CENPW: variants seen among roughly 807,000 people sequenced by gnomAD.
The protein encoded by CENPW is cancer-up-regulated gene 2 protein.
Under a neutral mutation model 11.1 loss-of-function variants are expected in CENPW, and 3 were observed. The observed-to-expected ratio is 0.27, with a 90% confidence interval of 0.12 to 0.70. The LOEUF is 0.70. Among genes scored for constraint, CENPW ranks in the 30% least tolerant of loss-of-function variants. The probability of loss-of-function intolerance (pLI) is 0.77; values close to 1 mark genes in which losing one functional copy is unlikely to be tolerated. For missense variants in CENPW, 100 were observed against 105.6 expected (o/e 0.95, Z 0.23); for synonymous variants, 38 against 42.0 (o/e 0.91, Z 0.37).
chr6:126,404,507 T>G, the CENPW span, among the ~76,000 whole-genome samples: 1 of 152,100 alleles, frequency 6.6e-6, no homozygotes, highest in Non-Finnish European at 1.5e-5. Flanking sequence ...ACTGATTTTC[T>G]TTCTTTTGGG....
the CENPW span, among the ~76,000 whole-genome samples, chr6:126,382,021 G>A: frequency 6.6e-6 from 1 of 152,076 alleles, no homozygotes; most frequent in Non-Finnish European, 1.5e-5. Context: ...ATCACCTGAG[G>A]TCAGGAGTTT....
At chr6:126,370,759 T>G in the CENPW span, among the ~76,000 whole-genome samples, 1 of 151,960 alleles carries the variant, frequency 6.6e-6, no homozygotes, top group Non-Finnish European at 1.5e-5. Flanking sequence ...TATTTCTTTT[T>G]TTTTTTTTCT....
chr6:126,462,530 T>TCACACA, the CENPW span, among the ~76,000 whole-genome samples: 36 of 144,026 alleles, frequency 2.5e-4, no homozygotes, highest in African/African-American at 8.4e-4. Flanking sequence ...TCTCTCTCTC[T>TCACACA]CTCACACACA....
the CENPW span, among the ~76,000 whole-genome samples, chr6:126,442,449 A>T: frequency 0.036 from 5,402 of 151,496 alleles, 316 homozygotes; most frequent in African/African-American, 0.12. Context: ...AGTGGGAGAA[A>T]ATCTTCACAA....
At chr6:126,386,600 T>C in the CENPW span, among the ~76,000 whole-genome samples, 3 of 152,016 alleles carry the variant, frequency 2.0e-5, no homozygotes, top group Admixed American at 6.6e-5. Flanking sequence ...GTTTATATCT[T>C]TAAAGAGATG....
At chr6:126,448,634 A>G in the CENPW span, among the ~76,000 whole-genome samples, 1 of 150,960 alleles carries the variant, frequency 6.6e-6, no homozygotes. Flanking sequence ...CTTAATACCT[A>G]TAAAACCTTT....
At chr6:126,450,561 A>G in the CENPW span, among the ~76,000 whole-genome samples, 1 of 150,886 alleles carries the variant, frequency 6.6e-6, no homozygotes, top group South Asian at 2.1e-4. Flanking sequence ...AAGCTTTTTG[A>G]CTTATTAATT....
downstream of CENPW, among the ~76,000 whole-genome samples, chr6:126,350,292 A>C (rs1030531106): frequency 3.9e-5 from 6 of 152,106 alleles, no homozygotes; most frequent in African/African-American, 1.4e-4. Flanking sequence ...AGATAACATA[A>C]ATTTTTTTCT....
chr6:126,462,438 G>T, the CENPW span, among the ~76,000 whole-genome samples: 1 of 150,252 alleles, frequency 6.7e-6, no homozygotes, highest in Non-Finnish European at 1.5e-5. Flanking sequence ...AGTTTATGTA[G>T]AAAGCTGAGG....
chr6:126,456,144 C>T, the CENPW span, among the ~76,000 whole-genome samples: 1 of 151,344 alleles, frequency 6.6e-6, no homozygotes, highest in Non-Finnish European at 1.5e-5. Context: ...AAGCAATCTA[C>T]AGATTCAATC....
At chr6:126,351,377 G>A (rs1780489156), downstream of CENPW, among the ~76,000 whole-genome samples, 1 of 151,964 alleles carries the variant, frequency 6.6e-6, no homozygotes, top group African/African-American at 2.4e-5. Flanking sequence ...TTTCATGTTG[G>A]GGAGTTAGAG....
chr6:126,427,598 C>G, the CENPW span, among the ~76,000 whole-genome samples: 3 of 152,170 alleles, frequency 2.0e-5, no homozygotes, highest in Non-Finnish European at 4.4e-5. Flanking sequence ...CAGATATCAA[C>G]AAGAAAGTTT....
the CENPW span, among the ~76,000 whole-genome samples, chr6:126,405,761 A>G: frequency 6.6e-6 from 1 of 152,050 alleles, no homozygotes; most frequent in Admixed American, 6.6e-5. Flanking sequence ...GCTGTTTAAA[A>G]TGGAATGGTT....
the CENPW span, among the ~76,000 whole-genome samples, chr6:126,475,535 A>C: frequency 1.3e-5 from 2 of 152,228 alleles, no homozygotes; most frequent in South Asian, 4.1e-4. Context: ...CTTATAAACA[A>C]ACTATAACCT....
At chr6:126,380,281 A>G in the CENPW span, among the ~76,000 whole-genome samples, 25 of 152,342 alleles carry the variant, frequency 1.6e-4, no homozygotes, top group East Asian at 4.2e-3. Context: ...AAGTAATGGG[A>G]ACCAAAGTCC....
At chr6:126,366,248 A>C in the CENPW span, among the ~76,000 whole-genome samples, 1 of 152,134 alleles carries the variant, frequency 6.6e-6, no homozygotes, top group Admixed American at 6.5e-5. Flanking sequence ...TTTACTCTGT[A>C]ATTTTAAAAA....
At chr6:126,390,974 T>G in the CENPW span, among the ~76,000 whole-genome samples, 1 of 151,956 alleles carries the variant, frequency 6.6e-6, no homozygotes, top group Admixed American at 6.6e-5. Context: ...TTTCCTTTCT[T>G]TGGGGGTATA....
the CENPW span, among the ~76,000 whole-genome samples, chr6:126,383,282 T>C: frequency 6.6e-6 from 1 of 152,154 alleles, no homozygotes; most frequent in South Asian, 2.1e-4. Flanking sequence ...AAGTACTAAA[T>C]ATGAAAAGAA....
chr6:126,416,860 G>A, the CENPW span, among the ~76,000 whole-genome samples: 1 of 152,330 alleles, frequency 6.6e-6, no homozygotes, highest in Non-Finnish European at 1.5e-5. Flanking sequence ...TGCTAGGGCA[G>A]TGCAGAAGGG....
Sources: allele counts gnomAD v4.1 joint callset (sites outside exome capture counted in the v4.1 genomes callset), GRCh38; gene constraint gnomAD v4.1.1; transcripts MANE v1.5; gene names NCBI Gene and HGNC (gene_info 2026-07-23, HGNC 2026-07-21).